Variants in CNTNAP5 observed in about 807,000 individuals in gnomAD.
CNTNAP5 encodes contactin-associated protein-like 5.
Under a neutral mutation model 150.2 loss-of-function variants are expected in CNTNAP5, and 72 were observed. That is an observed-to-expected ratio of 0.48 (90% CI 0.40 to 0.58). CNTNAP5 has a LOEUF of 0.58. CNTNAP5 is among the 20% of genes least tolerant of loss of function. CNTNAP5 has a pLI of 0.00. For missense variants in CNTNAP5, 1,636 were observed against 1,626.2 expected (o/e 1.01, Z -0.10); for synonymous variants, 672 against 619.8 (o/e 1.08, Z -1.25).
chr2:124,908,511 CCTATAAGA>C (rs1678587452), intron 22 of CNTNAP5, among the ~76,000 whole-genome samples: 1 of 152,124 alleles, frequency 6.6e-6, no homozygotes. Context: ...AGACAGTGGT[CCTATAAGA>C]CTATAACGGA....
chr2:124,753,915 A>G (rs1168760053), intron 14 of CNTNAP5, among the ~76,000 whole-genome samples: 1 of 152,220 alleles, frequency 6.6e-6, no homozygotes, highest in Non-Finnish European at 1.5e-5. Context: ...ATCTTTGTAT[A>G]CATTTGCCTT....
chr2:124,248,535 A>G (rs1438707837), intron 3 of CNTNAP5, among the ~76,000 whole-genome samples: 3 of 152,198 alleles, frequency 2.0e-5, no homozygotes, highest in African/African-American at 4.8e-5. Context: ...AGCATTGTGA[A>G]AGCAACAGCT....
intron 1 of CNTNAP5, among the ~76,000 whole-genome samples, chr2:124,147,023 G>A (rs1046362955): frequency 6.6e-6 from 1 of 152,108 alleles, no homozygotes; most frequent in African/African-American, 2.4e-5. Flanking sequence ...ACATGACATA[G>A]CATTTATAAC....
At chr2:124,428,213 C>T (rs922619660) in intron 4 of CNTNAP5, among the ~76,000 whole-genome samples, 1 of 152,144 alleles carries the variant, frequency 6.6e-6, no homozygotes, top group Non-Finnish European at 1.5e-5. Context: ...CTGACTGCCT[C>T]TTATGTCTCA....
At chr2:124,228,941 T>A (rs982564174) in intron 2 of CNTNAP5, among the ~76,000 whole-genome samples, 1 of 152,122 alleles carries the variant, frequency 6.6e-6, no homozygotes, top group Non-Finnish European at 1.5e-5. Flanking sequence ...GCTGAACTAT[T>A]TCACACTGAT....
chr2:124,859,672 A>G (rs1313319217), intron 19 of CNTNAP5, among the ~76,000 whole-genome samples: 9 of 152,214 alleles, frequency 5.9e-5, no homozygotes, highest in Non-Finnish European at 5.9e-5. Flanking sequence ...ATGTCCATCA[A>G]TGATAGACTG....
chr2:124,117,793 T>G (rs1683463166), intron 1 of CNTNAP5, among the ~76,000 whole-genome samples: 1 of 152,170 alleles, frequency 6.6e-6, no homozygotes, highest in African/African-American at 2.4e-5. Context: ...TTCCAGAATT[T>G]GTTAAAATGT....
chr2:124,320,640 C>A (rs59208854), intron 3 of CNTNAP5, among the ~76,000 whole-genome samples: 10,485 of 151,518 alleles, frequency 0.069, 482 homozygotes, highest in Non-Finnish European at 0.1. Context: ...AGGAAAAAAG[C>A]ATAAAGATTC....
intron 2 of CNTNAP5, among the ~76,000 whole-genome samples, chr2:124,239,778 T>C (rs1168140810): frequency 6.6e-6 from 1 of 152,098 alleles, no homozygotes; most frequent in East Asian, 1.9e-4. Context: ...ATGTTTAGAA[T>C]TATTTTGGAT....
At chr2:124,631,705 A>G (rs530431358) in intron 12 of CNTNAP5, among the ~76,000 whole-genome samples, 5 of 152,324 alleles carry the variant, frequency 3.3e-5, no homozygotes, top group African/African-American at 1.2e-4. Context: ...TTACAACAAA[A>G]CCAAAAATTG....
intron 18 of CNTNAP5, among the ~76,000 whole-genome samples, chr2:124,797,747 C>A (rs1203871825): frequency 6.6e-6 from 1 of 152,266 alleles, no homozygotes; most frequent in Middle Eastern, 3.4e-3. Flanking sequence ...ATGCTGGAGG[C>A]AGAGACATGT....
At chr2:124,783,863 G>A (rs894593600) in intron 17 of CNTNAP5, among the ~76,000 whole-genome samples, 3 of 152,030 alleles carry the variant, frequency 2.0e-5, no homozygotes, top group Non-Finnish European at 2.9e-5. Flanking sequence ...TCTCTATCTG[G>A]CAAAACTCAA....
intron 1 of CNTNAP5, among the ~76,000 whole-genome samples, chr2:124,201,239 A>G (rs1048515467): frequency 6.6e-6 from 1 of 152,252 alleles, no homozygotes; most frequent in African/African-American, 2.4e-5. Context: ...ACTCTCAGGT[A>G]CATGCACTAC....
intron 3 of CNTNAP5, among the ~76,000 whole-genome samples, chr2:124,271,767 T>G (rs993191677): frequency 5.3e-5 from 8 of 152,230 alleles, no homozygotes; most frequent in Non-Finnish European, 7.4e-5. Flanking sequence ...CAGGCTGTAG[T>G]GCATTGGCAC....
At chr2:124,789,538 T>C (rs893218128) in intron 17 of CNTNAP5, among the ~76,000 whole-genome samples, 10 of 152,110 alleles carry the variant, frequency 6.6e-5, no homozygotes, top group African/African-American at 2.4e-4. Flanking sequence ...ATTTTTCTCT[T>C]ATCTTCTCCC....
intron 1 of CNTNAP5, among the ~76,000 whole-genome samples, chr2:124,124,550 G>A (rs533078478): frequency 6.6e-6 from 1 of 152,232 alleles, no homozygotes; most frequent in African/African-American, 2.4e-5. Context: ...TCAAATTCAG[G>A]AAACAGAGAG....
intron 8 of CNTNAP5, among the ~76,000 whole-genome samples, chr2:124,510,191 GA>G (rs1309801569): frequency 4.7e-5 from 7 of 150,290 alleles, no homozygotes; most frequent in African/African-American, 1.5e-4. Context: ...CTAGGTGACA[GA>G]GTGAGACTCC....
intron 13 of CNTNAP5, among the ~76,000 whole-genome samples, chr2:124,661,403 G>A (rs1439117314): frequency 6.6e-6 from 1 of 151,436 alleles, no homozygotes; most frequent in Admixed American, 6.6e-5. Context: ...TACTAAACTG[G>A]GCCCGCAAAG....
chr2:124,370,948 TTATAGTCATGCAGAAA>T (rs1384878877), intron 3 of CNTNAP5, among the ~76,000 whole-genome samples: 2 of 151,620 alleles, frequency 1.3e-5, no homozygotes, highest in Non-Finnish European at 3.0e-5. Context: ...TTTGAAGAGT[TTATAGTCATGCAGAAA>T]TATTACACAG....
Sources: gnomAD v4.1 joint callset for allele counts (sites outside exome capture counted in the v4.1 genomes callset) on GRCh38, gnomAD v4.1.1 for gene constraint, MANE v1.5 for transcripts, NCBI Gene and HGNC (gene_info 2026-07-23, HGNC 2026-07-21) for gene names.